The following ASMT variants were observed in gnomAD, a reference collection of about 807,000 sequenced individuals.
ASMT encodes the protein acetylserotonin N-methyltransferase.
Under a neutral mutation model 41.3 loss-of-function variants are expected in ASMT, and 53 were observed. That is an observed-to-expected ratio of 1.28 (90% CI 1.03 to 1.61). The LOEUF (loss-of-function observed/expected upper bound fraction) is 1.61. Ranked by LOEUF, ASMT falls within the 40% of genes most tolerant of loss-of-function variation. The probability of loss-of-function intolerance (pLI) is 0.00; values close to 1 mark genes in which losing one functional copy is unlikely to be tolerated. For synonymous variants in ASMT, 231 were observed against 184.8 expected, an observed-to-expected ratio of 1.25 and a Z score of -2.03; for missense variants, 531 against 441.3, an observed-to-expected ratio of 1.20 and a Z score of -1.82.
intron 8 of ASMT, among the ~76,000 whole-genome samples, chrX:1,641,396 C>A (rs1470455586): frequency 6.9e-6 from 1 of 145,264 alleles, no homozygotes; most frequent in Non-Finnish European, 1.5e-5. Flanking sequence ...CTGTGAGGTC[C>A]ACCTATCCTG....
intron 5 of ASMT, among the ~76,000 whole-genome samples, chrX:1,631,868 T>C (rs868261632): frequency 6.6e-6 from 1 of 151,634 alleles, no homozygotes; most frequent in African/African-American, 2.4e-5. Flanking sequence ...ACCAACGGGG[T>C]GAAACCCGGT....
intron 8 of ASMT, among the ~76,000 whole-genome samples, chrX:1,641,723 G>A (rs1397424776): frequency 6.7e-6 from 1 of 148,754 alleles, no homozygotes; most frequent in Non-Finnish European, 1.5e-5. Context: ...TCTCCTGTGA[G>A]GTCCACCCAT....
At chrX:1,615,353 A>G in intron 1 of ASMT, 85 bp downstream of exon 1, 1 of 1,258,702 alleles carries the variant, frequency 7.9e-7, no homozygotes. Flanking sequence ...GAGAAAAATG[A>G]TGAGTCTCCA....
rs576655711 is a variant in ASMT, at chrX:1,633,972, C to T, written c.787+682C>T. Among the ~76,000 whole-genome samples, 52 of 151,936 alleles carry T rather than the reference C, an allele frequency of 3.4e-4. No individual in the cohort carries two copies. In the South Asian group the frequency reaches 0.01, roughly 30 times the overall value. On this transcript the variant is annotated intron_variant, in intron 7 of 8. Transcript: ENST00000381241. Reference sequence around the variant, plus strand: ...ATTTTTAGTAGAGATGGGGTTTCACCGTGTTGACCAGGCTGGTCTCAAACT... The same window carrying T: ...ATTTTTAGTAGAGATGGGGTTTCACTGTGTTGACCAGGCTGGTCTCAAACT...
chrX:1,618,508 C>T (rs1934219784), intron 1 of ASMT, among the ~76,000 whole-genome samples: 1 of 151,924 alleles, frequency 6.6e-6, no homozygotes, highest in Non-Finnish European at 1.5e-5. Context: ...TCATGTTGGC[C>T]AGGCTGGTCT....
At chrX:1,625,104 C>CTTTTTT (rs1330663748) in intron 3 of ASMT, among the ~76,000 whole-genome samples, 2 of 127,354 alleles carry the variant, frequency 1.6e-5, no homozygotes, top group African/African-American at 3.1e-5. Flanking sequence ...CTTTTCTTTT[C>CTTTTTT]TTTCTTTTTT....
At chrX:1,637,214 C>T (rs549428007) in intron 8 of ASMT, among the ~76,000 whole-genome samples, 558 of 23,258 alleles carry the variant, frequency 0.024, 80 homozygotes, top group South Asian at 0.11. Flanking sequence ...ATCCTGATGG[C>T]ACATGAGGAT....
intron 1 of ASMT, among the ~76,000 whole-genome samples, chrX:1,615,732 G>A (rs761413773): frequency 8.7e-4 from 132 of 151,950 alleles, no homozygotes; most frequent in Non-Finnish European, 1.4e-3. Context: ...AACCTGGGAG[G>A]CGGAGGTTGC....
At chrX:1,629,226 G>A (rs1934677927) in intron 4 of ASMT, among the ~76,000 whole-genome samples, 1 of 152,156 alleles carries the variant, frequency 6.6e-6, no homozygotes, top group South Asian at 2.1e-4. Flanking sequence ...CCTGAATAGT[G>A]ACCGTGGTAC....
intron 8 of ASMT, among the ~76,000 whole-genome samples, chrX:1,641,397 A>ATC (rs1326659167): frequency 3.5e-5 from 5 of 142,810 alleles, no homozygotes; most frequent in East Asian, 4.4e-4. Flanking sequence ...TGTGAGGTCC[A>ATC]CCTATCCTGA....
At position 1,615,070 on chromosome X, in the gene ASMT, G is replaced by C; in HGVS notation, c.-130G>C. Reference sequence around the variant, plus strand: ...AGTGATCCGTCTTTGTTTGAGTACTGGGCAGGCAGCAGGGAGAGTCAGGCA... The same window carrying C: ...AGTGATCCGTCTTTGTTTGAGTACTCGGCAGGCAGCAGGGAGAGTCAGGCA... On this transcript the variant is annotated 5_prime_UTR_variant, in exon 1 of 9. Coordinates refer to ENST00000381241, the MANE Select transcript of ASMT (RefSeq NM_001171038.2). 2 of 767,216 alleles carry C rather than the reference G, an allele frequency of 2.6e-6. No individual in the cohort carries two copies. The highest frequency in any genetic ancestry group is 4.6e-6 in the Non-Finnish European group (2 of 431,268). The allele number at this position is 767,216 out of a possible 1,614,324, so 47.5% of individuals were successfully genotyped here.
chrX:1,630,120 C>T (rs1297913041), intron 5 of ASMT, among the ~76,000 whole-genome samples, 181 bp downstream of exon 5: 2 of 151,760 alleles, frequency 1.3e-5, no homozygotes, highest in Middle Eastern at 3.2e-3. Flanking sequence ...ATCTCCTCTG[C>T]GAGCACACGT....
At chrX:1,628,861 C>T (rs1206940435) in intron 4 of ASMT, among the ~76,000 whole-genome samples, 6 of 150,860 alleles carry the variant, frequency 4.0e-5, no homozygotes, top group Admixed American at 3.3e-4. Context: ...TTTCATGCCC[C>T]GTATTTCACC....
chrX:1,632,516 G>C (rs1361912793), intron 5 of ASMT, among the ~76,000 whole-genome samples, 188 bp from the exon 6 acceptor site: 1 of 152,018 alleles, frequency 6.6e-6, no homozygotes, highest in Admixed American at 6.6e-5. Context: ...TTAGCTGGGC[G>C]TGGTGGCGGG....
At chrX:1,634,017 C>T (rs1481374996) in intron 7 of ASMT, among the ~76,000 whole-genome samples, 3 of 152,146 alleles carry the variant, frequency 2.0e-5, no homozygotes, top group East Asian at 3.9e-4. Flanking sequence ...AGGAGATCCA[C>T]CCGCCTCGGC....
At chrX:1,636,952 G>C (rs112439762) in intron 8 of ASMT, among the ~76,000 whole-genome samples, 1 of 88,976 alleles carries the variant, frequency 1.1e-5, no homozygotes, top group Non-Finnish European at 2.3e-5. Context: ...CTCCTGTGAG[G>C]TCCATCCATC....
chrX:1,615,939 G>T (rs1397483807), intron 1 of ASMT, among the ~76,000 whole-genome samples: 6 of 152,050 alleles, frequency 3.9e-5, no homozygotes, highest in Non-Finnish European at 8.8e-5. Context: ...AGTATATGTG[G>T]TTGTTTATTA....
At position 1,615,228 on chromosome X, in the gene ASMT, G is replaced by A. The variant is rs763888040; in HGVS notation, c.29G>A (p.Arg10His). The A allele has an allele frequency of 3.1e-5, 49 of 1,598,496 alleles. No individual in the cohort carries two copies. The highest frequency in any genetic ancestry group is 5.4e-5 in the African/African-American group (4 of 74,644). MGSSEDQAY[R>H]LLNDYANGFM... ...GGATCCTCAGAGGACCAGGCCTATC[G>A]CCTCCTTAATGACTACGCCAACGGC... Residue 10 changes from arginine (R) to histidine (H), a missense_variant, in exon 1 of 9, where the codon CGC becomes CAC. Transcript: ENST00000381241.
At position 1,619,411 on chromosome X, in the gene ASMT, G is replaced by T. The variant is rs1455582794; in HGVS notation, c.70-3728G>T. Reference sequence around the variant, plus strand: ...CCTGTCTCAAAAAAAAAAAAAAAAAGTGGGGGCTGGGGAGGGAGAGCACTA... The same window carrying T: ...CCTGTCTCAAAAAAAAAAAAAAAAATTGGGGGCTGGGGAGGGAGAGCACTA... On this transcript the variant is annotated intron_variant, in intron 1 of 8. Transcript: ENST00000381241. 2.7e-5 allele frequency among the ~76,000 whole-genome samples: 4 copies of T among 146,794 alleles called. No individual in the cohort carries two copies. In the Admixed American group the frequency reaches 2.8e-4, roughly 10 times the overall value.
Sources: allele counts gnomAD v4.1 joint callset (sites outside exome capture counted in the v4.1 genomes callset), GRCh38; gene constraint gnomAD v4.1.1; transcripts MANE v1.5; gene names NCBI Gene and HGNC (gene_info 2026-07-23, HGNC 2026-07-21).